The following CYP19A1 variants were observed in gnomAD, a reference collection of about 807,000 sequenced individuals.
CYP19A1 encodes cytochrome P450 family 19 subfamily A member 1, also known as aromatase.
In CYP19A1, 32 loss-of-function variants were observed where a neutral mutation model predicts 44.4. The observed-to-expected ratio is 0.72, with a 90% CI of 0.54 to 0.97. The LOEUF (loss-of-function observed/expected upper bound fraction) is 0.97. CYP19A1 is among the 50% of genes least tolerant of loss of function. CYP19A1 has a pLI of 0.00. For missense variants in CYP19A1, 598 were observed against 637.8 expected (o/e 0.94, Z 0.67); for synonymous variants, 212 against 215.6 (o/e 0.98, Z 0.14).
At chr15:51,247,549 T>C (rs2141134903) in intron 1 of CYP19A1, among the ~76,000 whole-genome samples, 1 of 152,238 alleles carries the variant, frequency 6.6e-6, no homozygotes, top group Admixed American at 6.5e-5. Context: ...TTCAGCTCAC[T>C]GCAACGTCTT....
chr15:51,248,893 T>G (rs543469323), intron 1 of CYP19A1, among the ~76,000 whole-genome samples: 3 of 152,296 alleles, frequency 2.0e-5, no homozygotes. Flanking sequence ...GCTAAAAACC[T>G]TTCTTTGCTT....
At chr15:51,330,603 G>A (rs1218939749) in intron 1 of CYP19A1, among the ~76,000 whole-genome samples, 4 of 152,164 alleles carry the variant, frequency 2.6e-5, no homozygotes. Flanking sequence ...GTGGTCAGAG[G>A]CCTCGGCAGT....
At chr15:51,263,538 T>C (rs1489790449) in intron 1 of CYP19A1, among the ~76,000 whole-genome samples, 1 of 152,178 alleles carries the variant, frequency 6.6e-6, no homozygotes, top group Non-Finnish European at 1.5e-5. Flanking sequence ...TTCTTGCATA[T>C]ATTTGAGTGC....
intron 1 of CYP19A1, among the ~76,000 whole-genome samples, chr15:51,289,542 G>A (rs747570948): frequency 6.6e-6 from 1 of 152,094 alleles, no homozygotes; most frequent in African/African-American, 2.4e-5. Context: ...TCTCACATTG[G>A]CTGGGTCCTT....
intron 1 of CYP19A1, among the ~76,000 whole-genome samples, chr15:51,268,389 T>C (rs990613787): frequency 9.9e-5 from 15 of 152,222 alleles, no homozygotes; most frequent in Non-Finnish European, 2.1e-4. Context: ...ACTTAGCATA[T>C]TGATTTTGAG....
At chr15:51,249,627 T>G (rs768488870) in intron 1 of CYP19A1, among the ~76,000 whole-genome samples, 1 of 152,190 alleles carries the variant, frequency 6.6e-6, no homozygotes, top group Non-Finnish European at 1.5e-5. Flanking sequence ...ACAAGCAAAC[T>G]GAAGGTGCTG....
intron 1 of CYP19A1, among the ~76,000 whole-genome samples, chr15:51,316,364 C>T (rs1221355943): frequency 6.6e-6 from 1 of 152,002 alleles, no homozygotes; most frequent in African/African-American, 2.4e-5. Context: ...CATATTTCCA[C>T]TAGAGGTGAA....
chr15:51,294,676 A>AGGGGGGGG, intron 1 of CYP19A1, among the ~76,000 whole-genome samples: 1 of 96,872 alleles, frequency 1.0e-5, no homozygotes, highest in Admixed American at 9.1e-5. Flanking sequence ...TCCGGGAGGG[A>AGGGGGGGG]GGTGGGGGGT....
At chr15:51,299,540 A>C (rs2036068737) in intron 1 of CYP19A1, among the ~76,000 whole-genome samples, 1 of 152,144 alleles carries the variant, frequency 6.6e-6, no homozygotes, top group Non-Finnish European at 1.5e-5. Context: ...CCATGTGATC[A>C]GGGCTGCTTT....
Position 51,338,521 on chromosome 15 carries a change from G to A in CYP19A1, c.-65C>T, listed in dbSNP as rs1043050379. ...CGACGTCTGGAAGATCCCGAGCACA[G>A]GACCTTCCGTCCTGATAGGATAAGT... On this transcript the variant is annotated 5_prime_UTR_variant, in exon 1 of 10. Coordinates refer to ENST00000396402, the MANE Select transcript of CYP19A1 (RefSeq NM_000103.4). 6.6e-6 allele frequency: 1 copy of A among 152,226 alleles called. No homozygotes were observed. The highest frequency in any genetic ancestry group is 2.4e-5 in the African/African-American group (1 of 41,444). The allele number at this position is 152,226 out of a possible 1,614,324, so 9.4% of individuals were successfully genotyped here. A position where few individuals can be genotyped will look rare whatever the true frequency, so the allele number is the denominator to read the frequency against.
At chr15:51,305,089 A>G (rs2036189829) in intron 1 of CYP19A1, among the ~76,000 whole-genome samples, 1 of 151,772 alleles carries the variant, frequency 6.6e-6, no homozygotes, top group African/African-American at 2.4e-5. Context: ...TAGTAGAGAC[A>G]GGGTTTCACC....
chr15:51,218,013 T>C (rs1416331782), intron 6 of CYP19A1, among the ~76,000 whole-genome samples: 1 of 152,170 alleles, frequency 6.6e-6, no homozygotes, highest in African/African-American at 2.4e-5. Flanking sequence ...TTAATGACAA[T>C]TTCAGGACCC....
chr15:51,212,595 A>C (rs2031133455), intron 8 of CYP19A1, 34 bp from the exon 9 acceptor site: 2 of 1,350,080 alleles, frequency 1.5e-6, no homozygotes, highest in East Asian at 4.6e-5. Context: ...AAAGAAGGTA[A>C]TGTTAGTTTC....
At chr15:51,302,520 A>C (rs182838622) in intron 1 of CYP19A1, among the ~76,000 whole-genome samples, 14 of 152,366 alleles carry the variant, frequency 9.2e-5, no homozygotes, top group African/African-American at 3.4e-4. Flanking sequence ...GGTAGGCAAG[A>C]TGTTAAAGCA....
chr15:51,321,966 A>G (rs2470147), intron 1 of CYP19A1: 85,479 of 151,464 alleles, frequency 0.56, 26,798 homozygotes, highest in African/African-American at 0.84. Context: ...AAAAAAACAT[A>G]ATAAATAAAA....
At chr15:51,274,145 A>G (rs2035223990) in intron 1 of CYP19A1, among the ~76,000 whole-genome samples, 1 of 152,170 alleles carries the variant, frequency 6.6e-6, no homozygotes, top group African/African-American at 2.4e-5. Flanking sequence ...TGTGGTGTCA[A>G]TGTGCCAGCC....
At chr15:51,280,856 T>C (rs370276085) in intron 1 of CYP19A1, among the ~76,000 whole-genome samples, 2 of 152,208 alleles carry the variant, frequency 1.3e-5, no homozygotes, top group Non-Finnish European at 2.9e-5. Flanking sequence ...CACAGCACTC[T>C]CACATCCTGA....
At chr15:51,270,774 C>A (rs979523105) in intron 1 of CYP19A1, among the ~76,000 whole-genome samples, 1 of 152,132 alleles carries the variant, frequency 6.6e-6, no homozygotes, top group East Asian at 1.9e-4. Flanking sequence ...TCTTTCCTCC[C>A]ACCGCAAGCT....
At chr15:51,237,219 A>C (rs550794514) in intron 2 of CYP19A1, among the ~76,000 whole-genome samples, 16 of 152,182 alleles carry the variant, frequency 1.1e-4, no homozygotes, top group Non-Finnish European at 2.1e-4. Flanking sequence ...CATGAGTAAA[A>C]AGGAGTTCAG....
Sources: allele counts gnomAD v4.1 joint callset (sites outside exome capture counted in the v4.1 genomes callset), GRCh38; gene constraint gnomAD v4.1.1; transcripts MANE v1.5; gene names NCBI Gene and HGNC (gene_info 2026-07-23, HGNC 2026-07-21).